BNIP5: variants seen among roughly 807,000 people sequenced by gnomAD.
The protein encoded by BNIP5 is protein BNIP5.
BNIP5 carries 61 observed loss-of-function variants against 67.3 expected under a neutral mutation model. The ratio of observed to expected loss-of-function variants is 0.91; its 90% confidence interval spans 0.74 to 1.12. BNIP5 has a LOEUF of 1.12. BNIP5 is among the 50% of genes most tolerant of loss of function. The probability of loss-of-function intolerance (pLI) is 0.00; values close to 1 mark genes in which losing one functional copy is unlikely to be tolerated. For synonymous variants in BNIP5, 317 were observed against 319.0 expected (o/e 0.99, Z 0.07); for missense variants, 826 against 816.3 (o/e 1.01, Z -0.14).
intron 2 of BNIP5, 118 bp from the exon 3 acceptor site, chr6:36,328,832 T>A: frequency 2.7e-6 from 2 of 728,754 alleles, no homozygotes; most frequent in Non-Finnish European, 5.0e-6. Flanking sequence ...GTGCAACAGG[T>A]GCTGCTGCAG....
chr6:36,323,708 G>A (rs930508778), intron 7 of BNIP5, among the ~76,000 whole-genome samples, 175 bp from the exon 8 acceptor site: 2 of 152,134 alleles, frequency 1.3e-5, no homozygotes, highest in African/African-American at 4.8e-5. Flanking sequence ...CTTCAAGAAG[G>A]AGGGACTGGG....
rs1405780914 is a variant in BNIP5, at chr6:36,319,364, C to T, written c.1915G>A (p.Asp639Asn). ...YNCTQFPYRE[D>N]QPNITSPKVE... is the part of the protein sequence containing the mutation. ...TCCCCGCCCTCTCTCACCGGCTGGTCCTCCCTGTATGGGAACTGGGTGCAA... is the reference window on the plus strand; with the variant it reads ...TCCCCGCCCTCTCTCACCGGCTGGTTCTCCCTGTATGGGAACTGGGTGCAA... The change falls in exon 11 of 12, where the codon GAC becomes AAC. Residue 639 changes from aspartate (D) to asparagine (N), a missense_variant. Transcript: ENST00000437635. 6.2e-7 allele frequency: 1 copy of T among 1,613,850 alleles called. No homozygotes were observed. Among genetic ancestry groups the T allele is most frequent in the Non-Finnish European group, 8.5e-7 (1 of 1,179,894 alleles).
chr6:36,323,406 G>T lies in BNIP5; in HGVS notation c.1358C>A (p.Pro453His). Residue 453 changes from proline to histidine, a missense_variant, in exon 8 of 12, where the codon CCC becomes CAC. By Grantham distance (77) the Pro-to-His change is moderately conservative. Coordinates refer to ENST00000437635, the MANE Select transcript of BNIP5 (RefSeq NM_001010903.5). ...FYHKKHTSKE[P>H]RRAGAAGAAS... is the part of the protein sequence containing the mutation. The stretch of plus-strand genomic sequence containing the variant: ...AGCCCCTGCTGCCCCCGCTCTTCTG[G>T]GTTCCTTGGAGGTGTGTTTCTTATG... 1 of 1,614,254 alleles carries T rather than the reference G, an allele frequency of 6.2e-7. No homozygotes were observed. Among genetic ancestry groups the T allele is most frequent in the Non-Finnish European group, 8.5e-7 (1 of 1,180,048 alleles).
intron 4 of BNIP5, 104 bp from the exon 5 acceptor site, chr6:36,326,857 G>A: frequency 6.5e-7 from 1 of 1,536,756 alleles, no homozygotes; most frequent in Non-Finnish European, 8.9e-7. Flanking sequence ...GGCCCCGAGA[G>A]AGGGGAGGCA....
At chr6:36,331,154 A>C (rs1771897328) in intron 1 of BNIP5, among the ~76,000 whole-genome samples, 1 of 152,182 alleles carries the variant, frequency 6.6e-6, no homozygotes. Flanking sequence ...CACTAACGTG[A>C]GTAGTGTCAA....
rs754528840 is a variant in BNIP5 at position 36,325,304 on chromosome 6, G to A, written c.1147C>T (p.Leu383=). 9 of 1,614,074 alleles carry A rather than the reference G, an allele frequency of 5.6e-6. No homozygotes were observed. The highest frequency in any genetic ancestry group is 7.6e-6 in the Non-Finnish European group (9 of 1,180,034). The change falls in exon 6 of 12, where the codon CTG becomes TTG. Residue 383 remains leucine (L), a synonymous_variant. Transcript: ENST00000437635. ...ESQEPGEELP[L]DRASEYKEFI... is the part of the protein sequence containing the mutation. ...TGACTGTATTCCGAGGCTCTGTCCA[G>A]CGGAAGCTCCTCTCCAGGTTCCTGG...
Position 36,326,498 on chromosome 6 carries a change from G to A in BNIP5, c.1036+12C>T. On this transcript the variant is annotated intron_variant, in intron 5 of 11. Transcript: ENST00000437635. ...CTGCAGGGTTGCTATGGCAACTGCA[G>A]AGCCTGCTCACCATAGCTGCTGGAG... 1 of 1,614,068 alleles carries A rather than the reference G, an allele frequency of 6.2e-7. No individual in the cohort carries two copies. The highest frequency in any genetic ancestry group is 8.5e-7 in the Non-Finnish European group (1 of 1,179,978).
intron 5 of BNIP5, among the ~76,000 whole-genome samples, chr6:36,325,692 G>T (rs1771747214): frequency 6.6e-6 from 1 of 152,128 alleles, no homozygotes; most frequent in Non-Finnish European, 1.5e-5. Context: ...AAGAGTAGAG[G>T]CCTGGTCCCA....
intron 3 of BNIP5, among the ~76,000 whole-genome samples, chr6:36,327,683 A>T (rs1582131377): frequency 1.3e-5 from 2 of 152,306 alleles, no homozygotes; most frequent in Admixed American, 1.3e-4. Context: ...TGCACGGAGA[A>T]GCCACTGACA....
chr6:36,336,557 T>TC (rs1346457869), intron 1 of BNIP5, among the ~76,000 whole-genome samples, 155 bp downstream of exon 1: 3 of 152,044 alleles, frequency 2.0e-5, no homozygotes, highest in Admixed American at 6.6e-5. Context: ...ATCCCCCACC[T>TC]CCACCCCCAT....
At chr6:36,318,123 CTT>C (rs1408735588) in intron 11 of BNIP5, among the ~76,000 whole-genome samples, 1 of 152,206 alleles carries the variant, frequency 6.6e-6, no homozygotes, top group Non-Finnish European at 1.5e-5. Flanking sequence ...TCTTGAGAGA[CTT>C]TTCAAATGGC....
In BNIP5 at chr6:36,329,013, T is replaced by A. The variant is rs548347760; in HGVS notation, c.611-299A>T. On this transcript the variant is annotated intron_variant, in intron 2 of 11. Transcript: ENST00000437635. ...CTGCAAGGCAGAGCCCCCCTCCCTC[T>A]AGGTGCCAGTGGGCATTCAGCTCCA... is the stretch of plus-strand genomic sequence containing the variant. Among the ~76,000 whole-genome samples the A allele has an allele frequency of 7.9e-5, 12 of 152,260 alleles. No individual in the cohort carries two copies. The South Asian group carries it at 2.5e-3, about 32-fold the overall frequency.
intron 8 of BNIP5, 96 bp downstream of exon 8, chr6:36,323,197 C>T (rs182061720): frequency 6.6e-7 from 1 of 1,503,960 alleles, no homozygotes; most frequent in Non-Finnish European, 9.1e-7. Context: ...CAGTGGACAT[C>T]CTCCACTATG....
At chr6:36,327,714 T>C (rs1324038304) in intron 3 of BNIP5, among the ~76,000 whole-genome samples, 1 of 152,208 alleles carries the variant, frequency 6.6e-6, no homozygotes, top group African/African-American at 2.4e-5. Context: ...TTTCCTTTGA[T>C]ACCCCAGTCA....
In BNIP5 at chr6:36,326,754, C is replaced by T. The variant is rs199983008; in HGVS notation, c.793-1G>A. ...CCCCCAGCTGTGAGGCCAGAGATTG[C>T]TGTTGGGGAGAGGAGAAAAACTGGT... On this transcript the variant is annotated splice_acceptor_variant, in intron 4 of 11. Transcript: ENST00000437635. LOFTEE classifies it high-confidence loss of function. 227 of 1,613,782 alleles carry T rather than the reference C, an allele frequency of 1.4e-4. 1 individual carries two copies. The highest frequency in any genetic ancestry group is 4.1e-4 in the South Asian group (37 of 91,034).
At chr6:36,325,563 GC>G in intron 5 of BNIP5, 149 bp from the exon 6 acceptor site, 3 of 992,182 alleles carry the variant, frequency 3.0e-6, no homozygotes, top group Non-Finnish European at 4.5e-6. Flanking sequence ...GCAGGGCTGT[GC>G]CTCTGATTTA....
intron 6 of BNIP5, among the ~76,000 whole-genome samples, chr6:36,325,005 T>A (rs551040314): frequency 1.3e-5 from 2 of 152,098 alleles, no homozygotes; most frequent in African/African-American, 4.8e-5. Flanking sequence ...GATCACCCCA[T>A]TGGCCGAGCC....
Position 36,330,656 on chromosome 6 carries a change from G to A in BNIP5, c.35C>T (p.Ala12Val), listed in dbSNP as rs752368824. The change falls in exon 2 of 12, where the codon GCG becomes GTG. Residue 12 changes from alanine to valine, a missense_variant. Transcript: ENST00000437635. ...ENPRCPRRPL[A>V]EKKARSLDRP... is the part of the protein sequence containing the mutation. The stretch of plus-strand genomic sequence containing the variant: ...GTCCAGAGACCTGGCTTTCTTCTCC[G>A]CCAGGGGCCTCCTTGGGCACCTTGG... The A allele has an allele frequency of 2.2e-5, 35 of 1,596,656 alleles. No homozygotes were observed. The highest frequency in any genetic ancestry group is 1.7e-4 in the Admixed American group (10 of 58,752).
In BNIP5 at chr6:36,324,217, A is replaced by G. The variant is rs748779157; in HGVS notation, c.1169-27T>C. ...TGAAAAAGATCAACACGCATGGTTA[A>G]CTTTGGTGCTACGAAATCTCTTCTG... On this transcript the variant is annotated intron_variant, in intron 6 of 11. Coordinates refer to ENST00000437635, the MANE Select transcript of BNIP5 (RefSeq NM_001010903.5). The G allele has an allele frequency of 3.1e-5, 50 of 1,599,440 alleles. 2 individuals are homozygous for G. In the South Asian group the frequency reaches 5.5e-4, roughly 18 times the overall value.
Sources: allele counts gnomAD v4.1 joint callset (sites outside exome capture counted in the v4.1 genomes callset), GRCh38; gene constraint gnomAD v4.1.1; transcripts MANE v1.5; gene names NCBI Gene and HGNC (gene_info 2026-07-23, HGNC 2026-07-21).